CASQ2: variants seen among roughly 807,000 people sequenced by gnomAD.
CASQ2 encodes calsequestrin-2.
In CASQ2, 49 loss-of-function variants were observed where a neutral mutation model predicts 46.5. That is an observed-to-expected ratio of 1.05 (90% CI 0.84 to 1.34). The LOEUF (loss-of-function observed/expected upper bound fraction) is 1.34, where lower values mean the gene tolerates loss of function less well. Among genes scored for constraint, CASQ2 ranks in the 40% most tolerant of loss-of-function variants. The pLI is 0.00. For missense variants in CASQ2, 486 were observed against 481.3 expected (o/e 1.01, Z -0.09); for synonymous variants, 174 against 168.5 (o/e 1.03, Z -0.25).
chr1:115,727,548 C>T (rs1294197322), intron 5 of CASQ2, among the ~76,000 whole-genome samples: 4 of 152,190 alleles, frequency 2.6e-5, no homozygotes, highest in Admixed American at 2.0e-4. Flanking sequence ...ATCCTTAAGG[C>T]ATATAGGTAC....
chr1:115,765,601 A>AT (rs1342170540), intron 1 of CASQ2, among the ~76,000 whole-genome samples: 1 of 152,156 alleles, frequency 6.6e-6, no homozygotes, highest in Admixed American at 6.5e-5. Flanking sequence ...AGAAAAAAAA[A>AT]TTTAATTCCC....
chr1:115,730,916 C>T (rs1197477713), intron 5 of CASQ2, among the ~76,000 whole-genome samples: 1 of 152,184 alleles, frequency 6.6e-6, no homozygotes, highest in East Asian at 1.9e-4. Context: ...TATTACTTTT[C>T]TCCTCTTCTG....
chr1:115,727,042 G>A lies in CASQ2; in HGVS notation c.687C>T (p.Asn229=). 1 of 1,599,992 alleles carries A rather than the reference G, an allele frequency of 6.3e-7. No individual in the cohort carries two copies. Residue 229 remains asparagine (N), a synonymous_variant, in exon 6 of 11, where the codon AAC becomes AAT. Coordinates refer to ENST00000261448, the MANE Select transcript of CASQ2 (RefSeq NM_001232.4). ...PFMDEPIAIP[N]KPYTEEELVE... ...CCAGCTCCTCTTCTGTGTAAGGTTTGTTGGGGATGGCAATGGGCTCATCCA... is the reference window on the plus strand; with the variant it reads ...CCAGCTCCTCTTCTGTGTAAGGTTTATTGGGGATGGCAATGGGCTCATCCA...
chr1:115,742,525 T>C (rs1648222309), intron 2 of CASQ2, among the ~76,000 whole-genome samples: 2 of 152,190 alleles, frequency 1.3e-5, no homozygotes, highest in South Asian at 4.1e-4. Flanking sequence ...GGAAGGAACC[T>C]ACCCCAACTC....
At chr1:115,754,661 A>G (rs147841799) in intron 1 of CASQ2, among the ~76,000 whole-genome samples, 35 of 152,262 alleles carry the variant, frequency 2.3e-4, no homozygotes, top group African/African-American at 8.2e-4. Context: ...CCAGAGCCCG[A>G]ACTTTCATCT....
intron 8 of CASQ2, among the ~76,000 whole-genome samples, chr1:115,708,263 A>T (rs1654425029): frequency 1.3e-5 from 2 of 152,240 alleles, no homozygotes; most frequent in African/African-American, 4.8e-5. Context: ...GGAGAAGCAA[A>T]GAAATCCCAA....
chr1:115,745,256 G>A (rs867791262), intron 1 of CASQ2, among the ~76,000 whole-genome samples: 10 of 152,172 alleles, frequency 6.6e-5, no homozygotes, highest in Non-Finnish European at 1.0e-4. Flanking sequence ...GCCTGACAAG[G>A]GGCCCTGAGC....
At chr1:115,758,567 C>T (rs1408617917) in intron 1 of CASQ2, among the ~76,000 whole-genome samples, 1 of 152,154 alleles carries the variant, frequency 6.6e-6, no homozygotes, top group Non-Finnish European at 1.5e-5. Flanking sequence ...GGAGGTGGGG[C>T]CTAATGGGAG....
chr1:115,711,548 T>A (rs1162451347), intron 8 of CASQ2, among the ~76,000 whole-genome samples: 1 of 151,504 alleles, frequency 6.6e-6, no homozygotes, highest in Non-Finnish European at 1.5e-5. Context: ...GTCTGTCTTC[T>A]TCCTTTCTCT....
intron 8 of CASQ2, among the ~76,000 whole-genome samples, chr1:115,715,206 C>T (rs1654661745): frequency 6.6e-6 from 1 of 152,188 alleles, no homozygotes; most frequent in African/African-American, 2.4e-5. Context: ...TTGCTATTTG[C>T]TCCTCCAGGG....
At chr1:115,747,165 G>C (rs6670402) in intron 1 of CASQ2, among the ~76,000 whole-genome samples, 41,617 of 152,024 alleles carry the variant, frequency 0.27, 6,091 homozygotes, top group East Asian at 0.43. Context: ...AAGATAGGTT[G>C]AGGTTCCTTT....
chr1:115,758,959 G>T (rs747170695), intron 1 of CASQ2, among the ~76,000 whole-genome samples: 2 of 152,198 alleles, frequency 1.3e-5, no homozygotes, highest in Non-Finnish European at 2.9e-5. Flanking sequence ...CAGACAATAT[G>T]CAATATGTCA....
intron 4 of CASQ2, among the ~76,000 whole-genome samples, chr1:115,737,635 T>C (rs937422102): frequency 7.2e-5 from 11 of 152,206 alleles, no homozygotes; most frequent in African/African-American, 2.7e-4. Flanking sequence ...CTCATCCCTA[T>C]ATGGGCTGTA....
intron 2 of CASQ2, among the ~76,000 whole-genome samples, chr1:115,744,356 G>A (rs1411003894): frequency 6.6e-6 from 1 of 151,930 alleles, no homozygotes; most frequent in Non-Finnish European, 1.5e-5. Flanking sequence ...GCCCAACTGG[G>A]GTTTAACCTT....
chr1:115,723,305 T>TATCTGTC (rs1647455098), intron 7 of CASQ2, among the ~76,000 whole-genome samples: 3 of 148,748 alleles, frequency 2.0e-5, no homozygotes, highest in African/African-American at 7.5e-5. Context: ...ATCTATCTAT[T>TATCTGTC]TATCTATCTA....
intron 1 of CASQ2, among the ~76,000 whole-genome samples, chr1:115,747,752 T>G (rs1209268766): frequency 6.6e-6 from 1 of 152,210 alleles, no homozygotes; most frequent in Non-Finnish European, 1.5e-5. Flanking sequence ...TATTGTATTT[T>G]TAATTTTCAT....
intron 7 of CASQ2, among the ~76,000 whole-genome samples, chr1:115,718,655 G>A (rs146151295): frequency 6.6e-6 from 1 of 152,310 alleles, no homozygotes; most frequent in Non-Finnish European, 1.5e-5. Context: ...GCGTAAGGAA[G>A]GTTGAGGGTG....
chr1:115,755,957 A>G (rs1648745826), intron 1 of CASQ2, among the ~76,000 whole-genome samples: 1 of 151,692 alleles, frequency 6.6e-6, no homozygotes, highest in Non-Finnish European at 1.5e-5. Context: ...ATAGTCGTTT[A>G]TGTGTTGCAT....
At chr1:115,719,137 C>A (rs573154797) in intron 7 of CASQ2, among the ~76,000 whole-genome samples, 1 of 152,286 alleles carries the variant, frequency 6.6e-6, no homozygotes, top group African/African-American at 2.4e-5. Context: ...AAAGCCTCCA[C>A]AAATTCTAAG....
Sources: gnomAD v4.1 joint callset for allele counts (sites outside exome capture counted in the v4.1 genomes callset) on GRCh38, gnomAD v4.1.1 for gene constraint, MANE v1.5 for transcripts, NCBI Gene and HGNC (gene_info 2026-07-23, HGNC 2026-07-21) for gene names.